Variants in CSNK2A2 observed in about 807,000 individuals in gnomAD.
CSNK2A2 encodes casein kinase II subunit alpha'.
Under a neutral mutation model 54.0 loss-of-function variants are expected in CSNK2A2, and 8 were observed. That is an observed-to-expected ratio of 0.15 (90% CI 0.09 to 0.27). CSNK2A2 has a LOEUF of 0.27. Among genes scored for constraint, CSNK2A2 ranks in the 10% least tolerant of loss-of-function variants. The pLI, the probability that CSNK2A2 is intolerant of heterozygous loss-of-function variation, is 1.00. For missense variants in CSNK2A2, 242 were observed against 439.4 expected, an observed-to-expected ratio of 0.55 and a Z score of 4.02; for synonymous variants, 141 against 153.9, an observed-to-expected ratio of 0.92 and a Z score of 0.62.
At chr16:58,194,023 T>C (rs143030780) in intron 2 of CSNK2A2, among the ~76,000 whole-genome samples, 23 of 152,334 alleles carry the variant, frequency 1.5e-4, no homozygotes, top group African/African-American at 5.0e-4. Context: ...AAAATTCCTC[T>C]GTAGTCACTC....
At chr16:58,190,247 C>G (rs1018884722) in intron 2 of CSNK2A2, among the ~76,000 whole-genome samples, 3 of 151,900 alleles carry the variant, frequency 2.0e-5, no homozygotes, top group African/African-American at 7.3e-5. Context: ...AACTTGAAAT[C>G]TAGTAGACAA....
intron 2 of CSNK2A2, among the ~76,000 whole-genome samples, chr16:58,196,103 G>C (rs1962437427): frequency 6.6e-6 from 1 of 152,190 alleles, no homozygotes; most frequent in African/African-American, 2.4e-5. Context: ...ACAGTGCTCA[G>C]GGAGCCCTTA....
At chr16:58,173,719 T>C (rs1961800849) in intron 5 of CSNK2A2, among the ~76,000 whole-genome samples, 1 of 152,182 alleles carries the variant, frequency 6.6e-6, no homozygotes, top group Non-Finnish European at 1.5e-5. Context: ...TGGCTGCAAA[T>C]GCCTGCCACC....
At chr16:58,195,628 C>G (rs1171121713) in intron 2 of CSNK2A2, among the ~76,000 whole-genome samples, 1 of 152,180 alleles carries the variant, frequency 6.6e-6, no homozygotes, top group Non-Finnish European at 1.5e-5. Flanking sequence ...CCGGCAATAA[C>G]GAGGACCCAT....
At chr16:58,168,838 C>T (rs1597111210) in intron 5 of CSNK2A2, 145 bp from the exon 6 acceptor site, 11 of 627,372 alleles carry the variant, frequency 1.8e-5, no homozygotes, top group South Asian at 6.1e-5. Flanking sequence ...AGAAAAAAAG[C>T]GTGCTTCAGA....
intron 4 of CSNK2A2, among the ~76,000 whole-genome samples, chr16:58,180,799 A>G (rs1962016690): frequency 6.6e-6 from 1 of 152,202 alleles, no homozygotes; most frequent in Admixed American, 6.5e-5. Context: ...CGAGGAATGA[A>G]CACTCTCTGG....
intron 11 of CSNK2A2, chr16:58,160,731 G>C (rs749002014): frequency 1.3e-5 from 2 of 152,200 alleles, no homozygotes; most frequent in Admixed American, 6.5e-5. Flanking sequence ...TCCTCCTCAA[G>C]AGCTACCTTT....
In CSNK2A2 at chr16:58,169,988, G is replaced by C. The variant is rs144302573; in HGVS notation, c.430-1295C>G. On this transcript the variant is annotated intron_variant, in intron 5 of 11. Transcript: ENST00000262506. The stretch of plus-strand genomic sequence containing the variant: ...CTGAACCTGAGAGGCGGAGGTTGCA[G>C]TGAGCCGAGATGGCACCATTGCACT... Among the ~76,000 whole-genome samples the C allele has an allele frequency of 1.9e-3, 284 of 152,232 alleles. 2 individuals carry two copies. Among genetic ancestry groups the C allele is most frequent in the African/African-American group, 6.3e-3 (261 of 41,540 alleles).
chr16:58,197,365 C>A lies in CSNK2A2; in HGVS notation c.104+268G>T, dbSNP rs570571472. ...GGGCAGCTCCCTCACTTCCACCCGG[C>A]GTCGATCCCTGGACCCCACACTTCT... is the stretch of plus-strand genomic sequence containing the variant. On this transcript the variant is annotated intron_variant, in intron 1 of 11. Transcript: ENST00000262506. The surrounding 1 kb of genome is among the most constrained non-coding windows in gnomAD (Gnocchi z 4.0). Among the ~76,000 whole-genome samples, 8 of 152,354 alleles carry A rather than the reference C, an allele frequency of 5.3e-5. No homozygotes were observed. In the East Asian group the frequency reaches 1.5e-3, roughly 29 times the overall value.
chr16:58,188,955 C>CTTTT (rs57552824), intron 2 of CSNK2A2, among the ~76,000 whole-genome samples: 3 of 99,622 alleles, frequency 3.0e-5, no homozygotes, highest in Non-Finnish European at 4.2e-5. Flanking sequence ...TAAAAACTGG[C>CTTTT]TTTTTTTTTT....
intron 4 of CSNK2A2, 116 bp from the exon 5 acceptor site, chr16:58,174,626 CT>C: frequency 1.6e-6 from 1 of 611,408 alleles, no homozygotes; most frequent in Non-Finnish European, 2.7e-6. Flanking sequence ...AATCCCATGA[CT>C]TTTTTACTAC....
intron 5 of CSNK2A2, among the ~76,000 whole-genome samples, chr16:58,170,815 T>C (rs1176949465): frequency 6.6e-6 from 1 of 152,158 alleles, no homozygotes; most frequent in Non-Finnish European, 1.5e-5. Flanking sequence ...AATCATTTAT[T>C]AGATTGTTAA....
intron 5 of CSNK2A2, among the ~76,000 whole-genome samples, chr16:58,171,980 T>TATA (rs1555505772): frequency 1.5e-3 from 56 of 37,022 alleles, no homozygotes; most frequent in African/African-American, 3.7e-3. Flanking sequence ...TATATATATA[T>TATA]TTTTTTTTTT....
intron 5 of CSNK2A2, among the ~76,000 whole-genome samples, chr16:58,169,127 C>T (rs1350480088): frequency 6.6e-6 from 1 of 152,020 alleles, no homozygotes; most frequent in Non-Finnish European, 1.5e-5. Context: ...AGGGTTTCAC[C>T]GTGTTAGCCA....
intron 2 of CSNK2A2, chr16:58,192,985 C>T (rs548837441): frequency 6.6e-6 from 1 of 152,358 alleles, no homozygotes; most frequent in African/African-American, 2.4e-5. Context: ...CTGTGACTCC[C>T]CAGTACAATG....
chr16:58,164,166 A>G lies in CSNK2A2; in HGVS notation c.977-19T>C, dbSNP rs373174556. ...ACAGGGTCTGCAAGAAAGCAGGAGGAAAGTCAGGCAATCAGGGTGGTGAGT... is the reference window on the plus strand; with the variant it reads ...ACAGGGTCTGCAAGAAAGCAGGAGGGAAGTCAGGCAATCAGGGTGGTGAGT... On this transcript the variant is annotated intron_variant, in intron 10 of 11. Coordinates refer to ENST00000262506, the MANE Select transcript of CSNK2A2 (RefSeq NM_001896.4). 1.2e-6 allele frequency: 2 copies of G among 1,612,898 alleles called. No homozygotes were observed. The highest frequency in any genetic ancestry group is 1.7e-4 in the Middle Eastern group (1 of 6,060).
intron 2 of CSNK2A2, among the ~76,000 whole-genome samples, chr16:58,187,131 T>C (rs1235169647): frequency 6.6e-6 from 1 of 151,348 alleles, no homozygotes; most frequent in African/African-American, 2.4e-5. Flanking sequence ...AATACCCATA[T>C]CACACTTTAA....
chr16:58,186,781 G>T lies in CSNK2A2; in HGVS notation c.292C>A (p.Leu98Met), dbSNP rs1187552611. Residue 98 changes from leucine to methionine, a missense_variant, in exon 3 of 12, where the codon CTG becomes ATG. By Grantham distance (15) the Leu-to-Met change is conservative. Transcript: ENST00000262506. ...ACGGGGTCCTTTACAGTGTCAATCA[G>T]CTTAATGATATTTGTTCCACCACGA... The part of the protein sequence containing the change: ...NLRGGTNIIK[L>M]IDTVKDPVSK... 3 of 1,613,994 alleles carry T rather than the reference G, an allele frequency of 1.9e-6. No individual in the cohort carries two copies. Among genetic ancestry groups the T allele is most frequent in the Non-Finnish European group, 2.5e-6 (3 of 1,179,922 alleles).
At position 58,165,820 on chromosome 16, in the gene CSNK2A2, T is replaced by C. The variant is rs1199550041; in HGVS notation, c.828-112A>G. The C allele has an allele frequency of 3.4e-6, 4 of 1,170,076 alleles. No individual in the cohort carries two copies. In the African/African-American group the frequency reaches 4.7e-5, roughly 14 times the overall value. 72.5% of individuals were successfully genotyped at this position (1,170,076 alleles called of 1,614,324 possible). A position where few individuals can be genotyped will look rare whatever the true frequency, so the allele number is the denominator to read the frequency against. The stretch of plus-strand genomic sequence containing the variant: ...GAATAATGTACTGATTACAAGCTTG[T>C]TAAATCTCTAACTGGTGCCTGCCCT... On this transcript the variant is annotated intron_variant, in intron 9 of 11. Coordinates refer to ENST00000262506, the MANE Select transcript of CSNK2A2 (RefSeq NM_001896.4).
Sources: allele counts gnomAD v4.1 joint callset (sites outside exome capture counted in the v4.1 genomes callset), GRCh38; gene constraint gnomAD v4.1.1; non-coding constraint Gnocchi (gnomAD v3.1); transcripts MANE v1.5; gene names NCBI Gene and HGNC (gene_info 2026-07-23, HGNC 2026-07-21).